MFAP3L: variants seen among roughly 807,000 people sequenced by gnomAD.
MFAP3L encodes the protein microfibril associated protein 3 like.
MFAP3L carries 5 observed loss-of-function variants against 20.0 expected under a neutral mutation model. The ratio of observed to expected loss-of-function variants is 0.25; its 90% CI spans 0.13 to 0.53. MFAP3L has a LOEUF of 0.53. Ranked by LOEUF, MFAP3L falls within the 20% of genes least tolerant of loss-of-function variation. The pLI, the probability that MFAP3L is intolerant of heterozygous loss-of-function variation, is 0.96. For missense variants in MFAP3L, 409 were observed against 527.5 expected (o/e 0.78, Z 2.20); for synonymous variants, 219 against 213.0 (o/e 1.03, Z -0.25).
At chr4:170,003,903 G>T in intron 2 of MFAP3L, 1 of 946,424 alleles carries the variant, frequency 1.1e-6, no homozygotes, top group Non-Finnish European at 1.3e-6. Context: ...ACCAGTGTGG[G>T]CTAGGGGTTG....
chr4:170,015,902 TC>T (rs1739670448), intron 1 of MFAP3L, among the ~76,000 whole-genome samples: 1 of 152,152 alleles, frequency 6.6e-6, no homozygotes, highest in South Asian at 2.1e-4. Context: ...GTTGTGTAAA[TC>T]CGAGCTGTTC....
At position 169,989,186 on chromosome 4, in the gene MFAP3L, T is replaced by C. The variant is rs1384962258; in HGVS notation, c.*2192A>G. On this transcript the variant is annotated 3_prime_UTR_variant, in exon 3 of 3. Transcript: ENST00000361618. ...TCTGCAACCCAAAAACATACAATGCTAGTCCAGAAAGCCCAACAGGAGTCA... is the reference window on the plus strand; with the variant it reads ...TCTGCAACCCAAAAACATACAATGCCAGTCCAGAAAGCCCAACAGGAGTCA... 1.3e-5 allele frequency: 2 copies of C among 152,218 alleles called. No homozygotes were observed. The highest frequency in any genetic ancestry group is 4.8e-5 in the African/African-American group (2 of 41,454). The allele number at this position is 152,218 out of a possible 1,614,324, so 9.4% of individuals were successfully genotyped here. A position where few individuals can be genotyped will look rare whatever the true frequency, so the allele number is the denominator to read the frequency against.
At chr4:170,014,124 T>C (rs1403945736) in intron 1 of MFAP3L, among the ~76,000 whole-genome samples, 7 of 152,248 alleles carry the variant, frequency 4.6e-5, no homozygotes, top group Non-Finnish European at 1.0e-4. Flanking sequence ...GAAGCATCTC[T>C]AGCTGCTGTC....
At chr4:169,993,327 AG>A (rs1254078168) in intron 2 of MFAP3L, among the ~76,000 whole-genome samples, 1 of 152,184 alleles carries the variant, frequency 6.6e-6, no homozygotes, top group African/African-American at 2.4e-5. Context: ...GGGAGTTCTA[AG>A]GAACAGGCAA....
At chr4:169,997,805 T>C (rs1738297792) in intron 2 of MFAP3L, 4 of 875,726 alleles carry the variant, frequency 4.6e-6, no homozygotes, top group Non-Finnish European at 5.5e-6. Flanking sequence ...ATTAATTCTT[T>C]TTTTTTTTTT....
At chr4:170,009,080 C>A (rs1231530107) in intron 1 of MFAP3L, among the ~76,000 whole-genome samples, 7 of 152,132 alleles carry the variant, frequency 4.6e-5, no homozygotes, top group African/African-American at 1.7e-4. Context: ...ATCTTACAGA[C>A]AGCACCATGA....
intron 1 of MFAP3L, among the ~76,000 whole-genome samples, chr4:170,011,335 C>G (rs1739369369): frequency 1.3e-5 from 2 of 152,158 alleles, no homozygotes; most frequent in Admixed American, 1.3e-4. Flanking sequence ...AGAGTCAAAT[C>G]ATTTAAGTGA....
At chr4:169,998,053 G>A (rs1460886528) in intron 2 of MFAP3L, among the ~76,000 whole-genome samples, 1 of 152,170 alleles carries the variant, frequency 6.6e-6, no homozygotes, top group African/African-American at 2.4e-5. Flanking sequence ...TAAGAACAGT[G>A]TTTCTTCCCA....
chr4:170,005,630 G>T lies in MFAP3L; in HGVS notation c.248C>A (p.Ser83Tyr). The T allele has an allele frequency of 6.2e-7, 1 of 1,614,118 alleles. No individual in the cohort carries two copies. The highest frequency in any genetic ancestry group is 8.5e-7 in the Non-Finnish European group (1 of 1,180,018). ...TTCTTCTTTCAGCAGCTTGCCAATG[G>T]AATTATACCACTTGAACTGTGGGTC... ...IPDPQFKWYN[S>Y]IGKLLKEEED... Residue 83 changes from serine to tyrosine, a missense_variant, in exon 2 of 3, where the codon TCC (serine) becomes TAC (tyrosine). Ser to Tyr is a moderately radical substitution (Grantham distance 144). Transcript: ENST00000361618.
chr4:169,997,095 G>C (rs1285260753), intron 2 of MFAP3L, among the ~76,000 whole-genome samples: 2 of 152,088 alleles, frequency 1.3e-5, no homozygotes, highest in African/African-American at 4.8e-5. Flanking sequence ...GTGGGGGGAG[G>C]GGCAGGGAAG....
chr4:170,026,722 C>G (rs2111099954), upstream of MFAP3L: 1 of 152,458 alleles, frequency 6.6e-6, no homozygotes, highest in South Asian at 2.1e-4. Context: ...ACTCCGCTCT[C>G]TCTCCCGCCC....
At chr4:170,004,449 C>G (rs1008669377) in intron 2 of MFAP3L, among the ~76,000 whole-genome samples, 3 of 152,164 alleles carry the variant, frequency 2.0e-5, no homozygotes, top group Non-Finnish European at 4.4e-5. Flanking sequence ...TGCTCTACAA[C>G]CTTGACTGGC....
upstream of MFAP3L, among the ~76,000 whole-genome samples, chr4:170,026,699 G>C (rs563987767): frequency 1.0e-3 from 156 of 152,294 alleles, no homozygotes; most frequent in Non-Finnish European, 1.5e-3. Flanking sequence ...CTCCGCGGCA[G>C]CGCGGGACTC....
intron 1 of MFAP3L, among the ~76,000 whole-genome samples, chr4:170,007,851 G>T (rs956915603): frequency 6.6e-6 from 1 of 152,170 alleles, no homozygotes; most frequent in Non-Finnish European, 1.5e-5. Flanking sequence ...TACCACAGGG[G>T]AGAATCAGAG....
At position 169,998,426 on chromosome 4, in the gene MFAP3L, G is replaced by A. The variant is rs141337646; in HGVS notation, c.299-6117C>T. Among the ~76,000 whole-genome samples, 265 of 152,318 alleles carry A rather than the reference G, an allele frequency of 1.7e-3. 1 individual carries two copies. Among genetic ancestry groups the A allele is most frequent in the African/African-American group, 5.9e-3 (247 of 41,566 alleles). ...ACAGCAAGGAGCAGCAATGAGCAACGCATTCTGAACTGAAGAATCACAGGG... is the reference window on the plus strand; with the variant it reads ...ACAGCAAGGAGCAGCAATGAGCAACACATTCTGAACTGAAGAATCACAGGG... On this transcript the variant is annotated intron_variant, in intron 2 of 2. Coordinates refer to ENST00000361618, the MANE Select transcript of MFAP3L (RefSeq NM_021647.8).
chr4:169,997,784 G>A lies in MFAP3L; in HGVS notation c.299-5475C>T, dbSNP rs1314575038. ...TGGATGGCCGACTCCTGCCCAGCTC[G>A]GCCTCCTTTCATTAATTCTTTTTTT... On this transcript the variant is annotated intron_variant, in intron 2 of 2. Transcript: ENST00000361618. The A allele has an allele frequency of 6.1e-6, 6 of 978,862 alleles. No individual in the cohort carries two copies. The African/African-American group carries it at 9.4e-5, about 15-fold the overall frequency. 60.6% of individuals were successfully genotyped at this position (978,862 alleles called of 1,614,324 possible).
chr4:170,015,044 A>T (rs1302045620), intron 1 of MFAP3L, among the ~76,000 whole-genome samples: 8 of 152,196 alleles, frequency 5.3e-5, no homozygotes, highest in Admixed American at 5.2e-4. Context: ...TGGAGCTGAG[A>T]TTTTAATACA....
intron 1 of MFAP3L, among the ~76,000 whole-genome samples, chr4:170,010,457 C>A (rs992811251): frequency 6.6e-6 from 1 of 152,056 alleles, no homozygotes; most frequent in African/African-American, 2.4e-5. Flanking sequence ...CTGAGTGTGC[C>A]TGCCTCTCCT....
In MFAP3L at chr4:170,010,986, T is replaced by C. The variant is rs1014451723; in HGVS notation, c.-133-4976A>G. On this transcript the variant is annotated intron_variant, in intron 1 of 2. Transcript: ENST00000361618. The stretch of plus-strand genomic sequence containing the variant: ...CAAGGGTGGGGCCAAGTGGAGATAA[T>C]TGAATCATGGGGGTGGTTTCCACCA... 5.3e-5 allele frequency among the ~76,000 whole-genome samples: 8 copies of C among 152,218 alleles called. No individual in the cohort carries two copies. The East Asian group carries it at 5.8e-4, about 11-fold the overall frequency.
Sources: allele counts gnomAD v4.1 joint callset (sites outside exome capture counted in the v4.1 genomes callset), GRCh38; gene constraint gnomAD v4.1.1; transcripts MANE v1.5; gene names NCBI Gene and HGNC (gene_info 2026-07-23, HGNC 2026-07-21).